Variants in FAT2 observed in about 807,000 individuals in gnomAD.
FAT2 encodes protocadherin Fat 2.
In FAT2, 150 loss-of-function variants were observed where a neutral mutation model predicts 295.3. The observed-to-expected ratio is 0.51, with a 90% CI of 0.44 to 0.58. The LOEUF is 0.58. FAT2 is among the 20% of genes least tolerant of loss of function. The pLI, the probability that FAT2 is intolerant of heterozygous loss-of-function variation, is 0.00. For missense variants in FAT2, 4,868 were observed against 5,442.7 expected, an observed-to-expected ratio of 0.89 and a Z score of 3.32; for synonymous variants, 2,026 against 2,150.3, an observed-to-expected ratio of 0.94 and a Z score of 1.60.
intron 1 of FAT2, among the ~76,000 whole-genome samples, chr5:151,582,706 T>TCTTTAGAAAGTGTTCAGGCTAGAGA (rs1430183822): frequency 6.6e-6 from 1 of 152,140 alleles, no homozygotes; most frequent in Non-Finnish European, 1.5e-5. Flanking sequence ...AAGACTGCAG[T>TCTTTAGAAAGTGTTCAGGCTAGAGA]CTTTAGAAAG....
At chr5:151,591,006 T>G (rs1480647758) in intron 1 of FAT2, among the ~76,000 whole-genome samples, 159 bp downstream of exon 1, 4 of 152,250 alleles carry the variant, frequency 2.6e-5, no homozygotes, top group African/African-American at 9.6e-5. Context: ...CAGGCCCAGA[T>G]GTCCCTGTCT....
intron 18 of FAT2, among the ~76,000 whole-genome samples, chr5:151,523,237 T>G (rs1194786368): frequency 6.6e-6 from 1 of 152,188 alleles, no homozygotes; most frequent in African/African-American, 2.4e-5. Context: ...TTAATTATAA[T>G]GTATAGCTAA....
At chr5:151,573,290 CAACA>C (rs1758610427) in intron 1 of FAT2, among the ~76,000 whole-genome samples, 1 of 152,230 alleles carries the variant, frequency 6.6e-6, no homozygotes, top group Admixed American at 6.5e-5. Flanking sequence ...ATATAGTTTT[CAACA>C]AATATTACCT....
rs1284038964 is a variant in FAT2, at chr5:151,568,808, T to C, written c.124A>G (p.Ile42Val). ...GTCTTGGGAGAAGAATTTTCATAGA[T>C]GGTGGCATTGTAATGGGAGTGTGTG... is the stretch of plus-strand genomic sequence containing the variant. ...HFTHSHYNATIYENSSPKTYV... is the reference protein window; with the variant it reads ...HFTHSHYNATVYENSSPKTYV... Residue 42 changes from isoleucine (I) to valine (V), a missense_variant, in exon 2 of 24, where the codon ATC (isoleucine) becomes GTC (valine). By Grantham distance (29) the Ile-to-Val change is conservative. Transcript: ENST00000261800. The C allele has an allele frequency of 6.2e-7, 1 of 1,613,906 alleles. No individual in the cohort carries two copies. Among genetic ancestry groups the C allele is most frequent in the African/African-American group, 1.3e-5 (1 of 74,852 alleles).
chr5:151,540,898 C>G (rs1289163663), intron 10 of FAT2, 135 bp from the exon 11 acceptor site: 2 of 732,110 alleles, frequency 2.7e-6, no homozygotes, highest in Non-Finnish European at 4.3e-6. Flanking sequence ...AACTAGGAAC[C>G]CACGATTCTA....
In FAT2 at chr5:151,566,243, C is replaced by A. The variant is rs898881911; in HGVS notation, c.2689G>T (p.Asp897Tyr). Residue 897 changes from aspartate to tyrosine, a missense_variant, in exon 2 of 24, where the codon GAT (aspartate) becomes TAT (tyrosine). Asp to Tyr is a radical substitution (Grantham distance 160, BLOSUM62 -3). Around this residue, in one of 5 missense-constraint regions of FAT2, gnomAD observed 3,297 missense variants for 3,669.4 expected, o/e 0.90. Coordinates refer to ENST00000261800, the MANE Select transcript of FAT2 (RefSeq NM_001447.3). The part of the protein sequence containing the change: ...PRYILKVEAR[D>Y]QPSKGHQLFS... ...AGCTGGTGGCCTTTGCTGGGCTGAT[C>A]CCTGGCCTCCACCTTGAGTATGTAC... is the stretch of plus-strand genomic sequence containing the variant. 1 of 1,613,962 alleles carries A rather than the reference C, an allele frequency of 6.2e-7. No individual in the cohort carries two copies. Among genetic ancestry groups the A allele is most frequent in the Non-Finnish European group, 8.5e-7 (1 of 1,180,022 alleles).
At position 151,551,974 on chromosome 5, in the gene FAT2, A is replaced by AGG. The variant is rs544101973; in HGVS notation, c.4157-370_4157-369dup. ...AAAACAATACTTTAATATAACCCTA[A>AGG]GGGTGTGTGTGTGTGTGTGTGTGTG... On this transcript the variant is annotated intron_variant, in intron 6 of 23. Transcript: ENST00000261800. 7.8e-3 allele frequency among the ~76,000 whole-genome samples: 856 copies of AGG among 110,002 alleles called. 7 individuals carry two copies. The highest frequency in any genetic ancestry group is 0.014 in the African/African-American group (382 of 28,286). The allele number at this position is 110,002 out of a possible 152,430, so 72.2% of individuals were successfully genotyped here.
At chr5:151,537,977 CTG>C (rs752428621) in intron 11 of FAT2, 31 bp from the exon 12 acceptor site, 1 of 1,603,902 alleles carries the variant, frequency 6.2e-7, no homozygotes, top group Admixed American at 1.7e-5. Flanking sequence ...AAGAGGGAGA[CTG>C]TGGGGACTGC....
At position 151,568,293 on chromosome 5, in the gene FAT2, C is replaced by T. The variant is rs925275046; in HGVS notation, c.639G>A (p.Trp213Ter). Residue 213 changes from tryptophan (W) to a stop codon, truncating the protein, a stop_gained, in exon 2 of 24, where the codon TGG becomes TGA. Transcript: ENST00000261800. LOFTEE classifies it high-confidence loss of function. The stretch of plus-strand genomic sequence containing the variant: ...GCACCTGGAGCTCATGCTTTCCTCG[C>T]CAGGTGACGTTAAGCTTCCCAGCCA... ...VTVAGKLNVT[W>*]RGKHELQVLA... 1.9e-6 allele frequency: 3 copies of T among 1,614,088 alleles called. No homozygotes were observed. The African/African-American group carries it at 4.0e-5, about 22-fold the overall frequency.
chr5:151,529,378 T>C lies in FAT2; in HGVS notation c.9826A>G (p.Asn3276Asp). Residue 3276 changes from asparagine to aspartate, a missense_variant, in exon 15 of 24, where the codon AAC (asparagine) becomes GAC (aspartate). Coordinates refer to ENST00000261800, the MANE Select transcript of FAT2 (RefSeq NM_001447.3). Reference sequence around the variant, plus strand: ...CTTGTCTCAAAGTCCAGGCTTGCGTTGACATACAGGATCCCTGAAGAAGCA... The same window carrying C: ...CTTGTCTCAAAGTCCAGGCTTGCGTCGACATACAGGATCCCTGAAGAAGCA... ...LDARTGILYV[N>D]ASLDFETSPK... 1 of 1,613,758 alleles carries C rather than the reference T, an allele frequency of 6.2e-7. No homozygotes were observed. Among genetic ancestry groups the C allele is most frequent in the Non-Finnish European group, 8.5e-7 (1 of 1,179,970 alleles).
chr5:151,544,191 C>T lies in FAT2; in HGVS notation c.6936G>A (p.Val2312=), dbSNP rs371322943. Residue 2312 remains valine (V), a synonymous_variant, in exon 10 of 24, where the codon GTG becomes GTA. Transcript: ENST00000261800. ...GRNRDVSYQI[V]EDGSDVSKFF... ...ACTTGGAAACATCTGAGCCATCCTC[C>T]ACAATCTGATAAGAGACGTCACGGT... 5.6e-6 allele frequency: 9 copies of T among 1,614,100 alleles called. No individual in the cohort carries two copies. The Admixed American group carries it at 6.7e-5, about 12-fold the overall frequency.
chr5:151,553,247 G>C lies in FAT2; in HGVS notation c.4086C>G (p.Asp1362Glu), dbSNP rs202021814. The C allele has an allele frequency of 6.2e-7, 1 of 1,614,226 alleles. No individual in the cohort carries two copies. Among genetic ancestry groups the C allele is most frequent in the East Asian group, 2.2e-5 (1 of 44,888 alleles). ...TGACCCCCACCATGTGGTTCACAGG[G>C]TCCGTCTCCATGACCGTAAAGCTGT... ...TYYSFTVMET[D>E]PVNHMVGVIS... The change falls in exon 6 of 24, where the codon GAC (aspartate) becomes GAG (glutamate). Residue 1362 changes from aspartate (D) to glutamate (E), a missense_variant. By Grantham distance (45) the Asp-to-Glu change is conservative. Around this residue, in one of 5 missense-constraint regions of FAT2, gnomAD observed 3,297 missense variants for 3,669.4 expected, o/e 0.90. Transcript: ENST00000261800.
At chr5:151,527,179 T>C (rs931351782) in intron 17 of FAT2, 55 bp downstream of exon 17, 7 of 1,533,826 alleles carry the variant, frequency 4.6e-6, no homozygotes, top group Admixed American at 3.8e-5. Flanking sequence ...CATCTTCTGC[T>C]AGAAGGGAAA....
rs114480673 is a variant in FAT2 at position 151,505,119 on chromosome 5, G to A, written c.*446C>T. The A allele has an allele frequency of 1.2e-5, 3 of 251,016 alleles. No individual in the cohort carries two copies. Among genetic ancestry groups the A allele is most frequent in the Non-Finnish European group, 2.3e-5 (3 of 128,848 alleles). 15.5% of individuals were successfully genotyped at this position (251,016 alleles called of 1,614,324 possible). A position where few individuals can be genotyped will look rare whatever the true frequency, so the allele number is the denominator to read the frequency against. On this transcript the variant is annotated 3_prime_UTR_variant, in exon 24 of 24. Transcript: ENST00000261800. Reference sequence around the variant, plus strand: ...GCAGCCCTCTAGAGCTCCTCTGTACGGCCCGCGTAGTGGTTGTCTGTCAGG... The same window carrying A: ...GCAGCCCTCTAGAGCTCCTCTGTACAGCCCGCGTAGTGGTTGTCTGTCAGG...
At chr5:151,539,223 T>C (rs1055364415) in intron 11 of FAT2, among the ~76,000 whole-genome samples, 1 of 152,178 alleles carries the variant, frequency 6.6e-6, no homozygotes, top group African/African-American at 2.4e-5. Context: ...TTTGCATGCA[T>C]ACCAATAACC....
chr5:151,579,139 C>G lies in FAT2; in HGVS notation c.-20-10188G>C, dbSNP rs537633879. On this transcript the variant is annotated intron_variant, in intron 1 of 23. Transcript: ENST00000261800. ...GGGATCAACAAATCCAGCCCCAATT[C>G]TGGGGCTCTCTGGTTGGAAGGCAAG... 4.0e-4 allele frequency among the ~76,000 whole-genome samples: 61 copies of G among 152,294 alleles called. No homozygotes were observed. The East Asian group carries it at 0.01, about 26-fold the overall frequency.
At chr5:151,587,424 T>C (rs907005355) in intron 1 of FAT2, among the ~76,000 whole-genome samples, 1 of 152,232 alleles carries the variant, frequency 6.6e-6, no homozygotes, top group African/African-American at 2.4e-5. Flanking sequence ...TATAGGTTCC[T>C]GCACGCATCT....
In FAT2 at chr5:151,529,098, T is replaced by C. The variant is rs2304025; in HGVS notation, c.10026+80A>G. 55,901 of 1,208,732 alleles carry C rather than the reference T, an allele frequency of 0.046. 1,740 individuals are homozygous for C. Among genetic ancestry groups the C allele is most frequent in the African/African-American group, 0.13 (8,896 of 67,292 alleles). 74.9% of individuals were successfully genotyped at this position (1,208,732 alleles called of 1,614,324 possible). A position where few individuals can be genotyped will look rare whatever the true frequency, so the allele number is the denominator to read the frequency against. ...AACTTAATAAACTAATCCATGCTCA[T>C]AGATGGCTGGGTGTGGGGGTGAGAT... is the stretch of plus-strand genomic sequence containing the variant. On this transcript the variant is annotated intron_variant, in intron 15 of 23. Coordinates refer to ENST00000261800, the MANE Select transcript of FAT2 (RefSeq NM_001447.3).
At chr5:151,523,686 C>A (rs1753714548) in intron 18 of FAT2, among the ~76,000 whole-genome samples, 1 of 152,196 alleles carries the variant, frequency 6.6e-6, no homozygotes, top group Non-Finnish European at 1.5e-5. Flanking sequence ...TCTCATCTCT[C>A]CCTAGGCAAT....
Sources: allele counts gnomAD v4.1 joint callset (sites outside exome capture counted in the v4.1 genomes callset), GRCh38; gene constraint gnomAD v4.1.1; regional missense constraint gnomAD v4.1.1; transcripts MANE v1.5; gene names NCBI Gene and HGNC (gene_info 2026-07-23, HGNC 2026-07-21).